FSHR: variants seen among roughly 807,000 people sequenced by gnomAD.
FSHR encodes the protein follicle-stimulating hormone receptor.
FSHR carries 46 observed loss-of-function variants against 52.1 expected under a neutral mutation model. That is an observed-to-expected ratio of 0.88 (90% CI 0.70 to 1.13). The LOEUF is 1.13. FSHR is among the 50% of genes most tolerant of loss of function. The pLI, the probability that FSHR is intolerant of heterozygous loss-of-function variation, is 0.00. For missense variants in FSHR, 964 were observed against 834.6 expected (o/e 1.16, Z -1.91); for synonymous variants, 399 against 309.6 (o/e 1.29, Z -3.03).
intron 2 of FSHR, among the ~76,000 whole-genome samples, chr2:49,053,030 G>C (rs1668927047): frequency 6.6e-6 from 1 of 152,112 alleles, no homozygotes; most frequent in African/African-American, 2.4e-5. Context: ...CCTCTGTTAA[G>C]TTAACTTTTC....
chr2:49,035,903 G>T (rs1176889868), intron 2 of FSHR, among the ~76,000 whole-genome samples: 2 of 152,206 alleles, frequency 1.3e-5, no homozygotes, highest in Non-Finnish European at 2.9e-5. Flanking sequence ...GTATTTCTTA[G>T]ATCATAAGAT....
chr2:49,103,250 G>C (rs1671099894), intron 1 of FSHR, among the ~76,000 whole-genome samples: 1 of 152,110 alleles, frequency 6.6e-6, no homozygotes, highest in South Asian at 2.1e-4. Context: ...GGAAGGGACT[G>C]ATACAGAAAT....
At chr2:49,105,025 G>A (rs1380863951) in intron 1 of FSHR, among the ~76,000 whole-genome samples, 2 of 152,250 alleles carry the variant, frequency 1.3e-5, no homozygotes, top group East Asian at 1.9e-4. Context: ...TGAGAAATCC[G>A]TAGATATCAA....
At chr2:49,003,566 C>T (rs1050712239) in intron 4 of FSHR, among the ~76,000 whole-genome samples, 3 of 152,064 alleles carry the variant, frequency 2.0e-5, no homozygotes, top group African/African-American at 7.2e-5. Context: ...AGGATCTTAT[C>T]GCCTAAGAAT....
intron 1 of FSHR, among the ~76,000 whole-genome samples, chr2:49,086,466 A>T (rs1670395849): frequency 6.6e-6 from 1 of 152,056 alleles, no homozygotes; most frequent in South Asian, 2.1e-4. Flanking sequence ...GTAACTTAAG[A>T]CTTTGAGATT....
chr2:49,102,589 A>G (rs1438715537), intron 1 of FSHR, among the ~76,000 whole-genome samples: 1 of 152,150 alleles, frequency 6.6e-6, no homozygotes, highest in Non-Finnish European at 1.5e-5. Context: ...AAATAGAATG[A>G]TGTGCTCTGA....
chr2:49,095,422 C>T (rs538099624), intron 1 of FSHR, among the ~76,000 whole-genome samples: 3 of 152,076 alleles, frequency 2.0e-5, no homozygotes, highest in Non-Finnish European at 4.4e-5. Flanking sequence ...TAAATAGGCA[C>T]ATTCAGAAGA....
At chr2:48,973,762 T>C (rs1405297371) in intron 8 of FSHR, among the ~76,000 whole-genome samples, 24 of 152,272 alleles carry the variant, frequency 1.6e-4, no homozygotes, top group East Asian at 7.7e-4. Context: ...GGGAGTGACA[T>C]TGGAGAAGGA....
intron 2 of FSHR, among the ~76,000 whole-genome samples, chr2:49,041,675 A>G (rs1046865035): frequency 1.3e-5 from 2 of 151,976 alleles, no homozygotes; most frequent in Admixed American, 6.6e-5. Context: ...AAGGAGATCT[A>G]TACCAGGCAA....
intron 1 of FSHR, among the ~76,000 whole-genome samples, chr2:49,152,006 G>T (rs552508989): frequency 8.5e-5 from 13 of 152,202 alleles, no homozygotes; most frequent in African/African-American, 2.9e-4. Flanking sequence ...TTTCCAAGAA[G>T]ATTGCAAAGC....
chr2:49,029,597 C>A (rs1202612541), intron 2 of FSHR, among the ~76,000 whole-genome samples: 6 of 152,210 alleles, frequency 3.9e-5, no homozygotes, highest in Admixed American at 3.9e-4. Context: ...ACATTTTATA[C>A]TCAATCCTTT....
intron 1 of FSHR, among the ~76,000 whole-genome samples, chr2:49,130,795 C>A (rs1414559430): frequency 6.6e-6 from 1 of 152,146 alleles, no homozygotes; most frequent in Non-Finnish European, 1.5e-5. Context: ...TCTAATTATT[C>A]CCTACTGGTG....
chr2:49,038,436 A>G (rs1274103291), intron 2 of FSHR, among the ~76,000 whole-genome samples: 3 of 151,808 alleles, frequency 2.0e-5, no homozygotes, highest in Non-Finnish European at 4.4e-5. Flanking sequence ...CCTGGCTAAC[A>G]CGGTGAAACC....
At chr2:49,070,210 A>G (rs900572329) in intron 1 of FSHR, among the ~76,000 whole-genome samples, 1 of 152,192 alleles carries the variant, frequency 6.6e-6, no homozygotes, top group African/African-American at 2.4e-5. Flanking sequence ...ATTCCAAAAT[A>G]CACAAATATA....
intron 4 of FSHR, among the ~76,000 whole-genome samples, chr2:49,006,924 T>A (rs940886573): frequency 6.6e-6 from 1 of 152,106 alleles, no homozygotes; most frequent in Non-Finnish European, 1.5e-5. Flanking sequence ...TATCCAACAT[T>A]GTTTGACAGG....
At chr2:49,056,359 C>G (rs1209904574) in intron 2 of FSHR, among the ~76,000 whole-genome samples, 4 of 150,202 alleles carry the variant, frequency 2.7e-5, no homozygotes, top group Non-Finnish European at 4.4e-5. Flanking sequence ...GAAAAACAGA[C>G]TTAAGTTAAA....
intron 1 of FSHR, among the ~76,000 whole-genome samples, chr2:49,106,995 T>C (rs994900765): frequency 6.6e-6 from 1 of 152,214 alleles, no homozygotes; most frequent in African/African-American, 2.4e-5. Context: ...AGCATTATTG[T>C]AATTTGTTTT....
chr2:49,022,448 C>T lies in FSHR; in HGVS notation c.225-2288G>A, dbSNP rs115507108. ...AACAGGGTACAGTCATGGAAAAGTC[C>T]TTCAATGAGAAATTTAGACATCTTA... On this transcript the variant is annotated intron_variant, in intron 2 of 9. Transcript: ENST00000406846. Among the ~76,000 whole-genome samples, 569 of 152,164 alleles carry T rather than the reference C, an allele frequency of 3.7e-3. 7 individuals carry two copies. Among genetic ancestry groups the T allele is most frequent in the African/African-American group, 0.013 (521 of 41,528 alleles).
intron 1 of FSHR, among the ~76,000 whole-genome samples, chr2:49,117,848 C>T (rs1572766737): frequency 6.6e-6 from 1 of 152,168 alleles, no homozygotes; most frequent in East Asian, 1.9e-4. Flanking sequence ...GTATGTACCT[C>T]CATAAGCTCG....
Sources: gnomAD v4.1 joint callset for allele counts (sites outside exome capture counted in the v4.1 genomes callset) on GRCh38, gnomAD v4.1.1 for gene constraint, MANE v1.5 for transcripts, NCBI Gene and HGNC (gene_info 2026-07-23, HGNC 2026-07-21) for gene names.